The following SLC5A4 variants were observed in gnomAD, a reference collection of about 807,000 sequenced individuals.
SLC5A4 encodes probable glucose sensor protein SLC5A4.
SLC5A4 carries 55 observed loss-of-function variants against 70.3 expected under a neutral mutation model. That is an observed-to-expected ratio of 0.78 (90% CI 0.63 to 0.98). The LOEUF (loss-of-function observed/expected upper bound fraction) is 0.98. Ranked by LOEUF, SLC5A4 falls within the 50% of genes least tolerant of loss-of-function variation. The pLI, the probability that SLC5A4 is intolerant of heterozygous loss-of-function variation, is 0.00. For synonymous variants in SLC5A4, 268 were observed against 305.7 expected, an observed-to-expected ratio of 0.88 and a Z score of 1.29; for missense variants, 735 against 839.2, an observed-to-expected ratio of 0.88 and a Z score of 1.53.
chr22:32,270,065 C>CA, the SLC5A4 span: 1 of 489,514 alleles, frequency 2.0e-6, no homozygotes. Context: ...GAGCCTCCCT[C>CA]ACAGAAGAAG....
At chr22:32,294,181 TG>T in the SLC5A4 span, among the ~76,000 whole-genome samples, 1 of 152,224 alleles carries the variant, frequency 6.6e-6, no homozygotes, top group African/African-American at 2.4e-5. Flanking sequence ...CATTGCCTAC[TG>T]GAACAATTGT....
At chr22:32,252,211 C>CA (rs1177123908) in intron 2 of SLC5A4, among the ~76,000 whole-genome samples, 1 of 142,196 alleles carries the variant, frequency 7.0e-6, no homozygotes, top group East Asian at 2.0e-4. Context: ...GCCTGGGTGA[C>CA]AGAGCAAGAC....
At chr22:32,329,593 GGGCTCTGGTGTGTGTGTT>G in the SLC5A4 span, among the ~76,000 whole-genome samples, 31 of 136,362 alleles carry the variant, frequency 2.3e-4, 1 homozygote, top group South Asian at 5.2e-4. Flanking sequence ...TGTGTCTTGG[GGGCTCTGGTGTGTGTGTT>G]GGCTCTGGTG....
the SLC5A4 span, among the ~76,000 whole-genome samples, chr22:32,309,659 A>C: frequency 5.9e-5 from 9 of 152,162 alleles, no homozygotes; most frequent in East Asian, 9.7e-4. Flanking sequence ...TTGAATACAC[A>C]CACACACCTG....
At chr22:32,237,077 G>A (rs1569372825) in intron 7 of SLC5A4, among the ~76,000 whole-genome samples, 167 bp downstream of exon 7, 5 of 152,210 alleles carry the variant, frequency 3.3e-5, no homozygotes, top group African/African-American at 4.8e-5. Context: ...AGCTAATAAA[G>A]CAAGAAAGAA....
the SLC5A4 span, among the ~76,000 whole-genome samples, chr22:32,297,467 G>A: frequency 7.1e-6 from 1 of 140,450 alleles, no homozygotes; most frequent in East Asian, 2.1e-4. Context: ...TTCTCTGATG[G>A]TAGTTTGTAT....
chr22:32,234,847 C>G (rs376214657), intron 8 of SLC5A4, 26 bp downstream of exon 8: 1 of 1,502,510 alleles, frequency 6.7e-7, no homozygotes, highest in African/African-American at 1.4e-5. Flanking sequence ...GACAGACAGA[C>G]AGACACACAT....
the SLC5A4 span, among the ~76,000 whole-genome samples, chr22:32,304,576 GCT>G: frequency 2.0e-5 from 3 of 152,164 alleles, no homozygotes; most frequent in Non-Finnish European, 2.9e-5. Flanking sequence ...ACTGTGCCTG[GCT>G]CTGTTTTCTT....
intron 14 of SLC5A4, 144 bp downstream of exon 14, chr22:32,220,776 T>A: frequency 1.5e-6 from 1 of 667,760 alleles, no homozygotes; most frequent in African/African-American, 1.8e-5. Flanking sequence ...TCTTGGTTTT[T>A]GGAAAGGTAA....
At chr22:32,326,051 A>G in the SLC5A4 span, among the ~76,000 whole-genome samples, 1 of 152,248 alleles carries the variant, frequency 6.6e-6, no homozygotes, top group Admixed American at 6.5e-5. Context: ...GTGGGAAGGT[A>G]ACAGAGCACC....
intron 2 of SLC5A4, among the ~76,000 whole-genome samples, chr22:32,252,537 T>G (rs879643365): frequency 3.9e-5 from 6 of 152,216 alleles, no homozygotes; most frequent in Non-Finnish European, 7.3e-5. Flanking sequence ...CTTTTTGTCC[T>G]ACAACAGCGG....
the SLC5A4 span, among the ~76,000 whole-genome samples, chr22:32,341,221 G>A: frequency 6.6e-6 from 1 of 152,118 alleles, no homozygotes; most frequent in Non-Finnish European, 1.5e-5. Context: ...GATTGGAGCT[G>A]TGGGTCTGGG....
chr22:32,224,022 G>A (rs1925238674), intron 13 of SLC5A4, among the ~76,000 whole-genome samples: 1 of 151,882 alleles, frequency 6.6e-6, no homozygotes, highest in Non-Finnish European at 1.5e-5. Flanking sequence ...CCAGGTTCAC[G>A]CCATTCTCCT....
chr22:32,351,364 A>AT, the SLC5A4 span, among the ~76,000 whole-genome samples: 449 of 151,956 alleles, frequency 3.0e-3, 4 homozygotes, highest in African/African-American at 0.01. Flanking sequence ...TATCCAACTG[A>AT]TTTTTTCCTC....
At chr22:32,325,970 C>T in the SLC5A4 span, among the ~76,000 whole-genome samples, 8 of 152,322 alleles carry the variant, frequency 5.3e-5, no homozygotes, top group African/African-American at 1.4e-4. Flanking sequence ...AGCCTGGAAT[C>T]GGAAGCAGGG....
chr22:32,310,761 G>T, the SLC5A4 span, among the ~76,000 whole-genome samples: 1 of 152,240 alleles, frequency 6.6e-6, no homozygotes, highest in Non-Finnish European at 1.5e-5. Flanking sequence ...CCATAAAATG[G>T]GGAGAGCCCC....
At chr22:32,292,206 A>T in the SLC5A4 span, among the ~76,000 whole-genome samples, 1 of 70,852 alleles carries the variant, frequency 1.4e-5, no homozygotes, top group African/African-American at 1.0e-4. Context: ...TAGATATTAT[A>T]TAATATATAT....
At chr22:32,300,986 G>A in the SLC5A4 span, among the ~76,000 whole-genome samples, 273 of 152,142 alleles carry the variant, frequency 1.8e-3, no homozygotes, top group African/African-American at 6.3e-3. Flanking sequence ...TTTTTGAGAC[G>A]GAATCTTGCT....
intron 5 of SLC5A4, among the ~76,000 whole-genome samples, chr22:32,245,720 C>T (rs1417050070): frequency 6.6e-6 from 1 of 152,134 alleles, no homozygotes; most frequent in African/African-American, 2.4e-5. Flanking sequence ...GAGGTTTCAC[C>T]ATGTTGGTCA....
Sources: allele counts gnomAD v4.1 joint callset (sites outside exome capture counted in the v4.1 genomes callset), GRCh38; gene constraint gnomAD v4.1.1; transcripts MANE v1.5; gene names NCBI Gene and HGNC (gene_info 2026-07-23, HGNC 2026-07-21).